SPON1: variants seen among roughly 807,000 people sequenced by gnomAD.
SPON1 encodes the protein spondin 1.
A neutral mutation model predicts 111.7 loss-of-function variants in SPON1; 52 were observed. The observed-to-expected ratio is 0.47, with a 90% CI of 0.37 to 0.59. SPON1 has a LOEUF of 0.59. Ranked by LOEUF, SPON1 falls within the 20% of genes least tolerant of loss-of-function variation. SPON1 has a pLI of 0.00. For missense variants in SPON1, 957 were observed against 1,068.5 expected (o/e 0.90, Z 1.46); for synonymous variants, 410 against 395.8 (o/e 1.04, Z -0.43).
intron 6 of SPON1, among the ~76,000 whole-genome samples, chr11:14,187,611 C>CTTT (rs569670473): frequency 3.5e-4 from 54 of 152,182 alleles, no homozygotes; most frequent in Middle Eastern, 3.4e-3. Context: ...ACTTTATTTT[C>CTTT]TTTTTGTTGT....
In SPON1 at chr11:14,168,610, G is replaced by A. The variant is rs190344269; in HGVS notation, c.825+33042G>A. 1.1e-3 allele frequency among the ~76,000 whole-genome samples: 170 copies of A among 151,790 alleles called. 3 individuals carry two copies. Among genetic ancestry groups the A allele is most frequent in the Non-Finnish European group, 1.1e-3 (78 of 67,966 alleles). On this transcript the variant is annotated intron_variant, in intron 6 of 15. Coordinates refer to ENST00000576479, the MANE Select transcript of SPON1 (RefSeq NM_006108.4). ...GTTGGTGTGCTGCACCCATTAACTC[G>A]TCATTTAGCATTAGGTATATCTCCT...
rs1272852602 is a variant in SPON1 at position 13,976,735 on chromosome 11, T to C, written c.239-6112T>C. ...TACATAAGGAAAAGTTTACAAATGA[T>C]AGAGTGTGGTGAATTATCACATGTT... On this transcript the variant is annotated intron_variant, in intron 1 of 15. Coordinates refer to ENST00000576479, the MANE Select transcript of SPON1 (RefSeq NM_006108.4). Among the ~76,000 whole-genome samples, 3 of 152,198 alleles carry C rather than the reference T, an allele frequency of 2.0e-5. No homozygotes were observed. In the East Asian group the frequency reaches 5.8e-4, roughly 29 times the overall value.
chr11:14,081,253 G>A (rs1848959817), intron 5 of SPON1, among the ~76,000 whole-genome samples: 1 of 152,032 alleles, frequency 6.6e-6, no homozygotes, highest in Admixed American at 6.6e-5. Flanking sequence ...ACTGTGCTCA[G>A]CTCTAGAGTT....
In SPON1 at chr11:14,151,040, A is replaced by G. The variant is rs954388115; in HGVS notation, c.825+15472A>G. Among the ~76,000 whole-genome samples, 4 of 152,224 alleles carry G rather than the reference A, an allele frequency of 2.6e-5. No individual in the cohort carries two copies. In the South Asian group the frequency reaches 8.3e-4, roughly 31 times the overall value. On this transcript the variant is annotated intron_variant, in intron 6 of 15. Coordinates refer to ENST00000576479, the MANE Select transcript of SPON1 (RefSeq NM_006108.4). ...CAGCCAGTGTATGCCCTTTGGCTAC[A>G]TGGAGTAGCTGTTCCAAGAGCTGAA...
chr11:13,988,242 G>C (rs1484346958), intron 2 of SPON1, among the ~76,000 whole-genome samples: 1 of 152,236 alleles, frequency 6.6e-6, no homozygotes, highest in East Asian at 1.9e-4. Context: ...GCAGTGGTTT[G>C]TAGTTCTCCT....
chr11:14,194,955 G>A (rs1405168983), intron 6 of SPON1, among the ~76,000 whole-genome samples: 2 of 152,112 alleles, frequency 1.3e-5, no homozygotes, highest in Admixed American at 1.3e-4. Context: ...GCTAGAGGGG[G>A]CAGTCTACGT....
intron 7 of SPON1, among the ~76,000 whole-genome samples, chr11:14,249,793 T>TATAA (rs2133921663): frequency 6.6e-6 from 1 of 152,342 alleles, no homozygotes; most frequent in Non-Finnish European, 1.5e-5. Context: ...CCCTGTTATG[T>TATAA]GTCCCTCACA....
intron 6 of SPON1, among the ~76,000 whole-genome samples, chr11:14,214,964 G>A (rs1366922368): frequency 6.6e-6 from 1 of 152,192 alleles, no homozygotes; most frequent in Non-Finnish European, 1.5e-5. Context: ...TTGGAGATAG[G>A]TAATTCCAAG....
chr11:14,224,666 C>A (rs544824240), intron 6 of SPON1: 1 of 427,848 alleles, frequency 2.3e-6, no homozygotes, highest in Non-Finnish European at 4.6e-6. Context: ...AGAGGCCATA[C>A]CCAGTACTTG....
rs190886992 is a variant in SPON1 at position 14,261,447 on chromosome 11, C to T, written c.1996+695C>T. Among the ~76,000 whole-genome samples, 32 of 152,298 alleles carry T rather than the reference C, an allele frequency of 2.1e-4. No homozygotes were observed. In the East Asian group the frequency reaches 4.6e-3, roughly 22 times the overall value. On this transcript the variant is annotated intron_variant, in intron 14 of 15. Coordinates refer to ENST00000576479, the MANE Select transcript of SPON1 (RefSeq NM_006108.4). ...CCTCCCCTAGCTAGTAACCTTCAGC[C>T]GATGACTCAGCACCTCTGTTCCTCA...
chr11:13,964,546 C>T (rs1205586947), intron 1 of SPON1, among the ~76,000 whole-genome samples: 5 of 152,250 alleles, frequency 3.3e-5, no homozygotes, highest in Non-Finnish European at 5.9e-5. Context: ...CCGGAGCTAC[C>T]CAAAGCCGGC....
At chr11:14,191,459 C>A (rs1848346802) in intron 6 of SPON1, among the ~76,000 whole-genome samples, 1 of 152,214 alleles carries the variant, frequency 6.6e-6, no homozygotes, top group Non-Finnish European at 1.5e-5. Context: ...TCCTTCCCCA[C>A]ACACTTAAAA....
intron 4 of SPON1, among the ~76,000 whole-genome samples, 163 bp downstream of exon 4, chr11:14,075,581 G>T (rs1452864163): frequency 6.6e-6 from 1 of 152,120 alleles, no homozygotes. Context: ...TGTGCTGTGG[G>T]TAATTGGATC....
intron 6 of SPON1, among the ~76,000 whole-genome samples, chr11:14,160,561 A>T (rs543723732): frequency 1.9e-4 from 5 of 26,588 alleles, no homozygotes; most frequent in African/African-American, 5.1e-4. Flanking sequence ...ATATATATTT[A>T]TATATATATT....
At chr11:14,194,357 CA>C (rs782227340) in intron 6 of SPON1, among the ~76,000 whole-genome samples, 1 of 152,160 alleles carries the variant, frequency 6.6e-6, no homozygotes, top group Non-Finnish European at 1.5e-5. Context: ...CCCTAAACAG[CA>C]AATACAAACT....
At chr11:14,234,561 G>A (rs1848841120) in intron 6 of SPON1, among the ~76,000 whole-genome samples, 1 of 152,228 alleles carries the variant, frequency 6.6e-6, no homozygotes, top group Admixed American at 6.5e-5. Flanking sequence ...CAAAGGACAA[G>A]CTAAGTAAAT....
At chr11:14,264,690 A>G (rs1191937681) in intron 15 of SPON1, among the ~76,000 whole-genome samples, 1 of 152,170 alleles carries the variant, frequency 6.6e-6, no homozygotes, top group South Asian at 2.1e-4. Flanking sequence ...CATGACTCTT[A>G]GCTGTAGTGT....
At chr11:14,103,560 C>G (rs1390012785) in intron 5 of SPON1, among the ~76,000 whole-genome samples, 1 of 152,176 alleles carries the variant, frequency 6.6e-6, no homozygotes, top group Non-Finnish European at 1.5e-5. Flanking sequence ...ATTCATCACT[C>G]CATCTATCCT....
chr11:13,987,325 C>T (rs1307262331), intron 2 of SPON1, among the ~76,000 whole-genome samples: 5 of 152,188 alleles, frequency 3.3e-5, no homozygotes, highest in African/African-American at 9.7e-5. Context: ...TGATGATAAG[C>T]ATTTTTTTCA....
Sources: gnomAD v4.1 joint callset for allele counts (sites outside exome capture counted in the v4.1 genomes callset) on GRCh38, gnomAD v4.1.1 for gene constraint, MANE v1.5 for transcripts, NCBI Gene and HGNC (gene_info 2026-07-23, HGNC 2026-07-21) for gene names.